KNCN: variants seen among roughly 807,000 people sequenced by gnomAD.
The protein encoded by KNCN is kinocilin.
A neutral mutation model predicts 10.4 loss-of-function variants in KNCN; 11 were observed. The observed-to-expected ratio is 1.06, with a 90% CI of 0.67 to 1.75. The LOEUF (loss-of-function observed/expected upper bound fraction) is 1.75, where lower values mean the gene tolerates loss of function less well. Among genes scored for constraint, KNCN ranks in the 40% most tolerant of loss-of-function variants. The probability of loss-of-function intolerance (pLI) is 0.00; values close to 1 mark genes in which losing one functional copy is unlikely to be tolerated. For missense variants in KNCN, 172 were observed against 167.1 expected, an observed-to-expected ratio of 1.03 and a Z score of -0.16; for synonymous variants, 67 against 71.6, an observed-to-expected ratio of 0.94 and a Z score of 0.33.
rs990434223 is a variant in KNCN at position 46,546,149 on chromosome 1, T to G, written c.*1581A>C. The G allele has an allele frequency of 6.6e-6, 1 of 152,180 alleles. No homozygotes were observed. The highest frequency in any genetic ancestry group is 1.5e-5 in the Non-Finnish European group (1 of 68,034). The allele number at this position is 152,180 out of a possible 1,614,324, so 9.4% of individuals were successfully genotyped here. ...CAGAGGACAGCAGAAGATAGAGCCT[T>G]GGATAGGGAGAGATAGGAGACCTGG... On this transcript the variant is annotated 3_prime_UTR_variant, in exon 4 of 4. Transcript: ENST00000481882.
chr1:46,548,663 G>A (rs1666997961), intron 3 of KNCN, among the ~76,000 whole-genome samples: 1 of 152,160 alleles, frequency 6.6e-6, no homozygotes, highest in South Asian at 2.1e-4. Flanking sequence ...TGTCCACGCT[G>A]GGCAAGACAG....
In KNCN at chr1:46,551,178, A is replaced by G; in HGVS notation, c.38T>C (p.Leu13Pro). The G allele has an allele frequency of 6.2e-7, 1 of 1,609,992 alleles. No homozygotes were observed. Among genetic ancestry groups the G allele is most frequent in the Non-Finnish European group, 8.5e-7 (1 of 1,178,260 alleles). The change falls in exon 1 of 4, where the codon CTG becomes CCG. Residue 13 changes from leucine to proline, a missense_variant. Leu to Pro is a moderately conservative substitution (Grantham distance 98). Transcript: ENST00000481882. This position sits in a 1 kb window ranked among gnomAD's most constrained non-coding sequence, Gnocchi z 4.0. ...CCCGAGAGCCACGCAGGCCAGCTGC[A>G]GGCCGCGGAAGTCTCTGCTGCTGAT... ...IPISSRDFRG[L>P]QLACVALGLV... is the part of the protein sequence containing the mutation.
Position 46,547,804 on chromosome 1 carries a change from G to A in KNCN, c.301C>T (p.Arg101Cys), listed in dbSNP as rs749410533. The change falls in exon 4 of 4, where the codon CGC becomes TGC. Residue 101 changes from arginine (R) to cysteine (C), a missense_variant. Physicochemically the swap from Arg to Cys is radical, Grantham distance 180. Coordinates refer to ENST00000481882, the MANE Select transcript of KNCN (RefSeq NM_001322255.2). ...CTGCTCACGGTGGACAGGCTGCTGCGGGCTCCTGGGGGAGAGAACAGGGAC... is the reference window on the plus strand; with the variant it reads ...CTGCTCACGGTGGACAGGCTGCTGCAGGCTCCTGGGGGAGAGAACAGGGAC... ...SSTNGNKEGA[R>C]SSLSTVSRTL... 4.8e-6 allele frequency: 7 copies of A among 1,456,492 alleles called. No individual in the cohort carries two copies. Among genetic ancestry groups the A allele is most frequent in the African/African-American group, 1.4e-5 (1 of 69,968 alleles). 90.2% of individuals were successfully genotyped at this position (1,456,492 alleles called of 1,614,324 possible).
Position 46,551,141 on chromosome 1 carries a change from G to T in KNCN, c.75C>A (p.Gly25=). ...ATACGGAGATGCCGATAATGATGCT[G>T]CCAGCCACCAGCCCGAGAGCCACGC... ...LACVALGLVA[G]SIIIGISVSK... The change falls in exon 1 of 4, where the codon GGC becomes GGA. Residue 25 remains glycine, a synonymous_variant. Transcript: ENST00000481882. The surrounding 1 kb of genome is among the most constrained non-coding windows in gnomAD (Gnocchi z 4.0). 6.2e-7 allele frequency: 1 copy of T among 1,611,362 alleles called. No homozygotes were observed. The highest frequency in any genetic ancestry group is 8.5e-7 in the Non-Finnish European group (1 of 1,178,778).
chr1:46,549,910 G>C, intron 2 of KNCN, 24 bp downstream of exon 2: 1 of 1,550,588 alleles, frequency 6.4e-7, no homozygotes, highest in South Asian at 1.2e-5. Context: ...AGAGGGGTCT[G>C]CTGGGGTCAG....
chr1:46,550,087 G>T (rs527302937), intron 1 of KNCN, 85 bp from the exon 2 acceptor site: 49 of 1,548,156 alleles, frequency 3.2e-5, no homozygotes, highest in African/African-American at 4.1e-5. Context: ...CTGAGGGGTG[G>T]TTTGTGAGAT....
chr1:46,547,750 G>T lies in KNCN; in HGVS notation c.355C>A (p.Arg119=). Reference sequence around the variant, plus strand: ...TTGCCTCAGCATTCCTCAGCCCCCCGGGTCCCCGGCTTCAGCTTCTCCAGG... The same window carrying T: ...TTGCCTCAGCATTCCTCAGCCCCCCTGGTCCCCGGCTTCAGCTTCTCCAGG... The part of the protein sequence containing the change: ...RTLEKLKPGT[R]GAEEC The change falls in exon 4 of 4, where the codon CGG becomes AGG. Residue 119 remains arginine (R), a synonymous_variant. Transcript: ENST00000481882. 6.7e-7 allele frequency: 1 copy of T among 1,484,262 alleles called. No homozygotes were observed. Among genetic ancestry groups the T allele is most frequent in the Non-Finnish European group, 8.9e-7 (1 of 1,117,820 alleles). The allele number at this position is 1,484,262 out of a possible 1,614,324, so 91.9% of individuals were successfully genotyped here. A position where few individuals can be genotyped will look rare whatever the true frequency, so the allele number is the denominator to read the frequency against.
chr1:46,550,148 G>A (rs752738172), intron 1 of KNCN, 146 bp from the exon 2 acceptor site: 3 of 1,453,472 alleles, frequency 2.1e-6, no homozygotes, highest in Non-Finnish European at 2.8e-6. Context: ...CTGTGAGTGT[G>A]TAAATGTGAG....
chr1:46,547,843 G>T (rs896399400), intron 3 of KNCN, 34 bp from the exon 4 acceptor site: 3 of 1,405,762 alleles, frequency 2.1e-6, no homozygotes, highest in Non-Finnish European at 2.8e-6. Flanking sequence ...GACTGCCTCC[G>T]TAGACAGGTC....
chr1:46,549,560 T>C (rs1667024092), intron 2 of KNCN: 1 of 519,566 alleles, frequency 1.9e-6, no homozygotes, highest in Non-Finnish European at 3.4e-6. Context: ...TGTGGGGAGC[T>C]GAGATGAGGT....
In KNCN at chr1:46,551,347, G is replaced by T. The variant is rs2148510286; in HGVS notation, c.-132C>A. 2 of 965,152 alleles carry T rather than the reference G, an allele frequency of 2.1e-6. No homozygotes were observed. The highest frequency in any genetic ancestry group is 3.0e-6 in the Non-Finnish European group (2 of 663,506). The allele number at this position is 965,152 out of a possible 1,614,324, so 59.8% of individuals were successfully genotyped here. ...GGTAGGAGTTTCTGGGCAGTAAGAT[G>T]ATAGGTGGGGAACCCTGGGATTTAT... is the stretch of plus-strand genomic sequence containing the variant. On this transcript the variant is annotated 5_prime_UTR_variant, in exon 1 of 4. Coordinates refer to ENST00000481882, the MANE Select transcript of KNCN (RefSeq NM_001322255.2). This position sits in a 1 kb window ranked among gnomAD's most constrained non-coding sequence, Gnocchi z 4.0.
intron 3 of KNCN, among the ~76,000 whole-genome samples, chr1:46,548,652 G>A (rs575236565): frequency 3.7e-4 from 56 of 152,310 alleles, no homozygotes; most frequent in Admixed American, 5.9e-4. Context: ...CCTCATTCCA[G>A]TGTCCACGCT....
At chr1:46,548,210 G>A (rs886742425) in intron 3 of KNCN, among the ~76,000 whole-genome samples, 5 of 152,130 alleles carry the variant, frequency 3.3e-5, no homozygotes, top group Non-Finnish European at 5.9e-5. Flanking sequence ...TTAAAAGAGC[G>A]AATAATAGAT....
chr1:46,550,101 G>A lies in KNCN; in HGVS notation c.152-99C>T, dbSNP rs1667034590. 2.6e-6 allele frequency: 4 copies of A among 1,543,444 alleles called. No homozygotes were observed. The Admixed American group carries it at 7.9e-5, about 30-fold the overall frequency. On this transcript the variant is annotated intron_variant, in intron 1 of 3. Transcript: ENST00000481882. ...CCTGAGGGGTGGTTTGTGAGATATG[G>A]GTGTGCATGGGAGGAGCACAGTGTG... is the stretch of plus-strand genomic sequence containing the variant.
At chr1:46,550,615 A>C (rs1667047280) in intron 1 of KNCN, among the ~76,000 whole-genome samples, 2 of 152,100 alleles carry the variant, frequency 1.3e-5, no homozygotes, top group South Asian at 4.1e-4. Flanking sequence ...CCCCACACAG[A>C]TAGATGGACA....
At chr1:46,550,809 G>A (rs1280476086) in intron 1 of KNCN, among the ~76,000 whole-genome samples, 1 of 152,166 alleles carries the variant, frequency 6.6e-6, no homozygotes, top group African/African-American at 2.4e-5. Flanking sequence ...GGGCTGGAGA[G>A]CCAGTGGGAG....
intron 2 of KNCN, chr1:46,549,563 G>A (rs558841606): frequency 2.1e-4 from 109 of 524,618 alleles, no homozygotes; most frequent in African/African-American, 2.0e-3. Flanking sequence ...GGGGAGCTGA[G>A]ATGAGGTGGG....
chr1:46,547,035 G>A lies in KNCN; in HGVS notation c.*695C>T, dbSNP rs1666957170. The A allele has an allele frequency of 1.3e-5, 3 of 238,654 alleles. No homozygotes were observed. In the South Asian group the frequency reaches 1.5e-4, roughly 12 times the overall value. The allele number at this position is 238,654 out of a possible 1,614,324, so 14.8% of individuals were successfully genotyped here. On this transcript the variant is annotated 3_prime_UTR_variant, in exon 4 of 4. Coordinates refer to ENST00000481882, the MANE Select transcript of KNCN (RefSeq NM_001322255.2). ...GAAGAGAGAAGTCAGATCACAAAAA[G>A]CCTTGAGTGGTGGAGTTAAGACACC...
At chr1:46,550,631 G>C (rs1667047373) in intron 1 of KNCN, among the ~76,000 whole-genome samples, 2 of 152,310 alleles carry the variant, frequency 1.3e-5, no homozygotes, top group Admixed American at 1.3e-4. Flanking sequence ...GGACACAGCT[G>C]CTGTGGAGGC....
Sources: allele counts gnomAD v4.1 joint callset (sites outside exome capture counted in the v4.1 genomes callset), GRCh38; gene constraint gnomAD v4.1.1; non-coding constraint Gnocchi (gnomAD v3.1); transcripts MANE v1.5; gene names NCBI Gene and HGNC (gene_info 2026-07-23, HGNC 2026-07-21).